The following PARP8 variants were observed in gnomAD, a reference collection of about 807,000 sequenced individuals.
PARP8 encodes protein mono-ADP-ribosyltransferase PARP8.
Under a neutral mutation model 124.1 loss-of-function variants are expected in PARP8, and 51 were observed. The ratio of observed to expected loss-of-function variants is 0.41; its 90% CI spans 0.33 to 0.52. PARP8 has a LOEUF of 0.52. Among genes scored for constraint, PARP8 ranks in the 20% least tolerant of loss-of-function variants. PARP8 has a pLI of 0.21. For synonymous variants in PARP8, 391 were observed against 361.5 expected (o/e 1.08, Z -0.93); for missense variants, 860 against 1,018.9 (o/e 0.84, Z 2.12).
Position 50,832,778 on chromosome 5 carries a change from C to A in PARP8, c.2234-3C>A. On this transcript the variant is annotated splice_region_variant and splice_polypyrimidine_tract_variant and intron_variant, in intron 22 of 25. Coordinates refer to ENST00000281631, the MANE Select transcript of PARP8 (RefSeq NM_024615.4). ...TAAATTATTATTTTGCCGATGTTTT[C>A]AGGGATGAACAAGAAACAGAAGGTG... The A allele has an allele frequency of 6.2e-7, 1 of 1,613,134 alleles. No homozygotes were observed. The highest frequency in any genetic ancestry group is 8.5e-7 in the Non-Finnish European group (1 of 1,179,416).
chr5:50,798,848 G>A (rs1423868639), intron 14 of PARP8, among the ~76,000 whole-genome samples: 2 of 152,236 alleles, frequency 1.3e-5, no homozygotes, highest in Admixed American at 6.5e-5. Context: ...CTTTTCATGT[G>A]CTTATTGGCC....
At chr5:50,727,340 C>T (rs1249585309) in intron 2 of PARP8, among the ~76,000 whole-genome samples, 1 of 152,112 alleles carries the variant, frequency 6.6e-6, no homozygotes, top group African/African-American at 2.4e-5. Flanking sequence ...AGTCCCCGCT[C>T]CTGCTCCCAC....
At chr5:50,818,310 C>A (rs11955934) in intron 15 of PARP8, among the ~76,000 whole-genome samples, 1 of 151,792 alleles carries the variant, frequency 6.6e-6, no homozygotes, top group Non-Finnish European at 1.5e-5. Context: ...GTCATTGTAA[C>A]CTCTGCCTCA....
rs1305895538 is a variant in PARP8 at position 50,709,930 on chromosome 5, A to G, written c.147-40221A>G. On this transcript the variant is annotated intron_variant, in intron 2 of 25. Transcript: ENST00000281631. ...TATGAGGTAGAAAGAGTGTATATAT[A>G]TATATATATATATATATATATATAT... Among the ~76,000 whole-genome samples, 314 of 56,718 alleles carry G rather than the reference A, an allele frequency of 5.5e-3. 5 individuals carry two copies. The highest frequency in any genetic ancestry group is 0.054 in the East Asian group (67 of 1,244). The allele number at this position is 56,718 out of a possible 152,430, so 37.2% of individuals were successfully genotyped here.
rs772159418 is a variant in PARP8 at position 50,822,383 on chromosome 5, A to G, written c.1843A>G (p.Ile615Val). The change falls in exon 17 of 26, where the codon ATC (isoleucine) becomes GTC (valine). Residue 615 changes from isoleucine to valine, a missense_variant. This residue lies in a region of PARP8 where 343 missense variants were observed against 474.7 expected (regional missense o/e 0.72). Coordinates refer to ENST00000281631, the MANE Select transcript of PARP8 (RefSeq NM_024615.4). ...VMKALDSITSIREMTQAPYLE... is the reference protein window; with the variant it reads ...VMKALDSITSVREMTQAPYLE... Reference sequence around the variant, plus strand: ...GAAAGCACTGGATAGCATAACTTCTATCAGAGAAATGACACAAGTAAGTAT... The same window carrying G: ...GAAAGCACTGGATAGCATAACTTCTGTCAGAGAAATGACACAAGTAAGTAT... 3.7e-6 allele frequency: 6 copies of G among 1,610,194 alleles called. No homozygotes were observed. Among genetic ancestry groups the G allele is most frequent in the East Asian group, 2.2e-5 (1 of 44,766 alleles).
chr5:50,742,447 T>C (rs1490682914), intron 2 of PARP8, among the ~76,000 whole-genome samples: 2 of 152,160 alleles, frequency 1.3e-5, no homozygotes, highest in Admixed American at 6.5e-5. Flanking sequence ...GGACAGATAA[T>C]TCCTTCTTCC....
At chr5:50,697,235 A>T (rs968943254) in intron 2 of PARP8, among the ~76,000 whole-genome samples, 3 of 152,228 alleles carry the variant, frequency 2.0e-5, no homozygotes, top group African/African-American at 7.2e-5. Context: ...CAATCTGGCG[A>T]CAGAGCGAGA....
intron 15 of PARP8, among the ~76,000 whole-genome samples, chr5:50,820,724 G>A (rs1745670497): frequency 6.6e-6 from 1 of 152,180 alleles, no homozygotes; most frequent in Admixed American, 6.5e-5. Flanking sequence ...ACCCCGTACA[G>A]GTCTCTGTTG....
intron 14 of PARP8, among the ~76,000 whole-genome samples, chr5:50,807,020 A>G (rs1743920068): frequency 6.6e-6 from 1 of 151,880 alleles, no homozygotes; most frequent in African/African-American, 2.4e-5. Context: ...TTCTATGCCT[A>G]TTCTATTTTA....
At chr5:50,687,059 G>T (rs1008067525) in intron 2 of PARP8, among the ~76,000 whole-genome samples, 61 of 152,140 alleles carry the variant, frequency 4.0e-4, no homozygotes, top group Non-Finnish European at 8.8e-5. Context: ...CAGAAAATGG[G>T]TTTTTCTTTT....
intron 14 of PARP8, among the ~76,000 whole-genome samples, chr5:50,810,597 G>A (rs1561413973): frequency 6.6e-6 from 1 of 152,006 alleles, no homozygotes; most frequent in Non-Finnish European, 1.5e-5. Context: ...TGTTCCTTCT[G>A]TGAGCGAGAG....
chr5:50,744,838 T>C, intron 2 of PARP8: 1 of 685,480 alleles, frequency 1.5e-6, no homozygotes, highest in Non-Finnish European at 2.6e-6. Flanking sequence ...CATGTCCACC[T>C]TCTTTCACTT....
intron 2 of PARP8, among the ~76,000 whole-genome samples, chr5:50,672,871 G>A (rs1036133629): frequency 6.6e-6 from 1 of 151,968 alleles, no homozygotes; most frequent in African/African-American, 2.4e-5. Flanking sequence ...GAGGGGGAGG[G>A]TGAAGAAGCA....
intron 7 of PARP8, among the ~76,000 whole-genome samples, chr5:50,769,309 G>A (rs568752863): frequency 6.7e-6 from 1 of 150,148 alleles, no homozygotes; most frequent in African/African-American, 2.5e-5. Flanking sequence ...GCCTGTAAAC[G>A]TACCAGCGTT....
At chr5:50,668,274 C>T (rs1579879062) in intron 2 of PARP8, 149 bp downstream of exon 2, 1 of 727,248 alleles carries the variant, frequency 1.4e-6, no homozygotes, top group Non-Finnish European at 2.4e-6. Flanking sequence ...TGACGTCCCT[C>T]GGTTTTAAAT....
chr5:50,821,087 C>G (rs1390596782), intron 15 of PARP8, 126 bp from the exon 16 acceptor site: 3 of 1,088,340 alleles, frequency 2.8e-6, no homozygotes, highest in Non-Finnish European at 4.1e-6. Context: ...TTGCATTACA[C>G]ATTTGAGAGA....
intron 2 of PARP8, among the ~76,000 whole-genome samples, chr5:50,736,913 G>T (rs1489745752): frequency 6.6e-6 from 1 of 152,146 alleles, no homozygotes; most frequent in Non-Finnish European, 1.5e-5. Flanking sequence ...ACCATGATCT[G>T]TTGAGCAGCT....
rs1416110734 is a variant in PARP8, at chr5:50,821,302, T to A, written c.1758T>A (p.Asp586Glu). 3 of 1,614,114 alleles carry A rather than the reference T, an allele frequency of 1.9e-6. No homozygotes were observed. The highest frequency in any genetic ancestry group is 2.2e-5 in the South Asian group (2 of 91,084). The stretch of plus-strand genomic sequence containing the variant: ...TCGAGCCATATCCTTCTGTGGTAGA[T>A]CCTAATGATCCTCAGATGTTGGCCT... ...VIFEPYPSVV[D>E]PNDPQMLAFN... The change falls in exon 16 of 26, where the codon GAT (aspartate) becomes GAA (glutamate). Residue 586 changes from aspartate to glutamate, a missense_variant. Physicochemically the swap from Asp to Glu is conservative, Grantham distance 45. Coordinates refer to ENST00000281631, the MANE Select transcript of PARP8 (RefSeq NM_024615.4).
rs182688788 is a variant in PARP8 at position 50,798,926 on chromosome 5, T to C, written c.1575+1693T>C. ...TATTTTTAAATTGGGTTATTTGTAT[T>C]CTTATTCATGAGTTGTAAGAGTTCT... On this transcript the variant is annotated intron_variant, in intron 14 of 25. Coordinates refer to ENST00000281631, the MANE Select transcript of PARP8 (RefSeq NM_024615.4). Among the ~76,000 whole-genome samples, 384 of 152,354 alleles carry C rather than the reference T, an allele frequency of 2.5e-3. 3 individuals carry two copies. Among genetic ancestry groups the C allele is most frequent in the Non-Finnish European group, 2.3e-3 (154 of 68,028 alleles).
Sources: allele counts gnomAD v4.1 joint callset (sites outside exome capture counted in the v4.1 genomes callset), GRCh38; gene constraint gnomAD v4.1.1; regional missense constraint gnomAD v4.1.1; transcripts MANE v1.5; gene names NCBI Gene and HGNC (gene_info 2026-07-23, HGNC 2026-07-21).